SIPA1L2: variants seen among roughly 807,000 people sequenced by gnomAD.
The protein encoded by SIPA1L2 is signal-induced proliferation-associated 1-like protein 2.
SIPA1L2 carries 56 observed loss-of-function variants against 163.9 expected under a neutral mutation model. The observed-to-expected ratio is 0.34, with a 90% CI of 0.28 to 0.43. The LOEUF is 0.43. Ranked by LOEUF, SIPA1L2 falls within the 20% of genes least tolerant of loss-of-function variation. The probability of loss-of-function intolerance (pLI) is 1.00; values close to 1 mark genes in which losing one functional copy is unlikely to be tolerated. For synonymous variants in SIPA1L2, 877 were observed against 865.7 expected, an observed-to-expected ratio of 1.01 and a Z score of -0.23; for missense variants, 1,974 against 2,193.5, an observed-to-expected ratio of 0.90 and a Z score of 2.00.
intron 18 of SIPA1L2, among the ~76,000 whole-genome samples, chr1:232,424,829 G>GA (rs1158946126): frequency 2.0e-5 from 3 of 151,598 alleles, no homozygotes; most frequent in Non-Finnish European, 2.9e-5. Context: ...GTGATGAAAT[G>GA]AAAAAAAACT....
At position 232,465,263 on chromosome 1, in the gene SIPA1L2, T is replaced by G. The variant is rs1664447494; in HGVS notation, c.2397A>C (p.Ala799=). ...ACTCCTGCCTCGTTCGAGTGGCCAT[T>G]GCTCGAAACTTTTCTGATTTATGGG... ...NAAHKSEKFR[A]MATRTRQEYL... Residue 799 remains alanine (A), a synonymous_variant, in exon 9 of 23, where the codon GCA becomes GCC. Coordinates refer to ENST00000674635, the MANE Select transcript of SIPA1L2 (RefSeq NM_020808.5). This position sits in a 1 kb window ranked among gnomAD's most constrained non-coding sequence, Gnocchi z 4.1. 6.2e-7 allele frequency: 1 copy of G among 1,614,096 alleles called. No homozygotes were observed. Among genetic ancestry groups the G allele is most frequent in the Non-Finnish European group, 8.5e-7 (1 of 1,180,048 alleles).
intron 2 of SIPA1L2, among the ~76,000 whole-genome samples, chr1:232,557,119 G>A (rs1053356466): frequency 2.6e-5 from 4 of 152,186 alleles, no homozygotes; most frequent in Admixed American, 1.3e-4. Context: ...ACTGCACAGC[G>A]CCTGTGTAAT....
At chr1:232,550,640 G>A (rs753621505) in intron 2 of SIPA1L2, among the ~76,000 whole-genome samples, 6 of 152,158 alleles carry the variant, frequency 3.9e-5, no homozygotes, top group Non-Finnish European at 7.3e-5. Context: ...TAGCAGCAAC[G>A]TTTAATCTCA....
chr1:232,568,030 C>T (rs1297061436), intron 2 of SIPA1L2, among the ~76,000 whole-genome samples: 1 of 152,238 alleles, frequency 6.6e-6, no homozygotes, highest in Non-Finnish European at 1.5e-5. Context: ...TACATGGATG[C>T]TCTGTGTCCC....
intron 1 of SIPA1L2, among the ~76,000 whole-genome samples, chr1:232,587,761 G>A (rs1029456750): frequency 9.9e-5 from 15 of 152,214 alleles, no homozygotes; most frequent in African/African-American, 3.4e-4. Context: ...TAATTCCCTC[G>A]TGTTGTGGGA....
intron 18 of SIPA1L2, 98 bp downstream of exon 18, chr1:232,425,491 A>C: frequency 3.5e-6 from 3 of 856,118 alleles, no homozygotes; most frequent in Non-Finnish European, 4.9e-6. Context: ...ACAAAAACAA[A>C]CTCCTAAATC....
intron 1 of SIPA1L2, among the ~76,000 whole-genome samples, chr1:232,582,004 T>G (rs1448387152): frequency 6.6e-6 from 1 of 152,240 alleles, no homozygotes; most frequent in East Asian, 1.9e-4. Context: ...ATGTAACTTC[T>G]TGATAGATAT....
At chr1:232,579,459 A>C (rs900294277) in intron 1 of SIPA1L2, among the ~76,000 whole-genome samples, 5 of 152,218 alleles carry the variant, frequency 3.3e-5, no homozygotes, top group Non-Finnish European at 7.3e-5. Context: ...TCTGTACTTA[A>C]AAAGCTCCCA....
chr1:232,497,898 C>G (rs1486959977), intron 3 of SIPA1L2, among the ~76,000 whole-genome samples: 1 of 152,200 alleles, frequency 6.6e-6, no homozygotes, highest in Non-Finnish European at 1.5e-5. Flanking sequence ...CAAGCTTCCT[C>G]CAGGCTCTTC....
At chr1:232,467,302 C>G (rs1424884622) in intron 8 of SIPA1L2, among the ~76,000 whole-genome samples, 1 of 152,098 alleles carries the variant, frequency 6.6e-6, no homozygotes, top group Non-Finnish European at 1.5e-5. Flanking sequence ...ATATACCATA[C>G]CAGAGGGTAT....
rs769751209 is a variant in SIPA1L2 at position 232,514,006 on chromosome 1, G to A, written c.1334C>T (p.Ser445Leu). 2 of 1,614,228 alleles carry A rather than the reference G, an allele frequency of 1.2e-6. No homozygotes were observed. The highest frequency in any genetic ancestry group is 1.1e-5 in the South Asian group (1 of 91,088). Residue 445 changes from serine (S) to leucine (L), a missense_variant, in exon 3 of 23, where the codon TCA becomes TTA. This residue lies in a region of SIPA1L2 where 607 missense variants were observed against 624.0 expected (regional missense o/e 0.97). Transcript: ENST00000674635. ...SSGESCSFES[S>L]LSSHCTNAGV... is the part of the protein sequence containing the mutation. ...TGCATTTGTGCAGTGAGAGCTGAGTGACGATTCGAAAGAGCAGCTTTCCCC... is the reference window on the plus strand; with the variant it reads ...TGCATTTGTGCAGTGAGAGCTGAGTAACGATTCGAAAGAGCAGCTTTCCCC...
chr1:232,561,316 A>G (rs1659022417), intron 2 of SIPA1L2, among the ~76,000 whole-genome samples: 1 of 152,234 alleles, frequency 6.6e-6, no homozygotes, highest in Admixed American at 6.5e-5. Flanking sequence ...ATTATTTTAA[A>G]TGGGTTTGCA....
At chr1:232,469,949 A>G (rs2102943060) in intron 8 of SIPA1L2, among the ~76,000 whole-genome samples, 1 of 152,026 alleles carries the variant, frequency 6.6e-6, no homozygotes, top group East Asian at 1.9e-4. Flanking sequence ...ACCTCATGAT[A>G]TAAGCATAAA....
At chr1:232,430,002 A>C (rs988902180) in intron 16 of SIPA1L2, among the ~76,000 whole-genome samples, 24 of 152,232 alleles carry the variant, frequency 1.6e-4, no homozygotes, top group Admixed American at 8.5e-4. Flanking sequence ...TTATAAAAAA[A>C]CACTAGCTTT....
intron 3 of SIPA1L2, 122 bp from the exon 4 acceptor site, chr1:232,493,782 T>C: frequency 8.0e-7 from 1 of 1,255,852 alleles, no homozygotes; most frequent in Non-Finnish European, 1.1e-6. Flanking sequence ...ACACAGTGAT[T>C]TCCTTGTATC....
chr1:232,522,229 CT>C (rs1667488239), intron 2 of SIPA1L2, among the ~76,000 whole-genome samples: 2 of 152,158 alleles, frequency 1.3e-5, no homozygotes, highest in Admixed American at 6.5e-5. Context: ...AAGCTGCTTG[CT>C]TTAAGGCAGC....
intron 1 of SIPA1L2, among the ~76,000 whole-genome samples, chr1:232,589,550 T>G (rs1660859122): frequency 6.6e-6 from 1 of 152,264 alleles, no homozygotes; most frequent in African/African-American, 2.4e-5. Flanking sequence ...CTTTGGAGTC[T>G]GTTGGGGAAT....
At chr1:232,537,640 G>A (rs1339914131) in intron 2 of SIPA1L2, among the ~76,000 whole-genome samples, 3 of 152,202 alleles carry the variant, frequency 2.0e-5, no homozygotes, top group Admixed American at 6.5e-5. Context: ...CAGATGGGCT[G>A]TGGAGTCAGA....
intron 22 of SIPA1L2, among the ~76,000 whole-genome samples, chr1:232,401,365 C>A (rs1660329056): frequency 6.6e-6 from 1 of 152,200 alleles, no homozygotes; most frequent in South Asian, 2.1e-4. Context: ...TTAATTTATG[C>A]TCCAAATTCA....
Sources: gnomAD v4.1 joint callset for allele counts (sites outside exome capture counted in the v4.1 genomes callset) on GRCh38, gnomAD v4.1.1 for gene constraint, gnomAD v4.1.1 regional missense constraint, Gnocchi (gnomAD v3.1) non-coding constraint, MANE v1.5 for transcripts, NCBI Gene and HGNC (gene_info 2026-07-23, HGNC 2026-07-21) for gene names.